Variants in PIBF1 observed in about 807,000 individuals in gnomAD.
PIBF1 encodes progesterone-induced-blocking factor 1.
In PIBF1, 90 loss-of-function variants were observed where a neutral mutation model predicts 112.5. The observed-to-expected ratio is 0.80, with a 90% CI of 0.67 to 0.95. The LOEUF (loss-of-function observed/expected upper bound fraction) is 0.95, where lower values mean the gene tolerates loss of function less well. Among genes scored for constraint, PIBF1 ranks in the 40% least tolerant of loss-of-function variants. The probability of loss-of-function intolerance (pLI) is 0.00; values close to 1 mark genes in which losing one functional copy is unlikely to be tolerated. For missense variants in PIBF1, 915 were observed against 852.3 expected, an observed-to-expected ratio of 1.07 and a Z score of -0.92; for synonymous variants, 301 against 288.6, an observed-to-expected ratio of 1.04 and a Z score of -0.44.
chr13:72,883,643 AC>A (rs1158442354), intron 10 of PIBF1, among the ~76,000 whole-genome samples: 6 of 152,152 alleles, frequency 3.9e-5, no homozygotes, highest in Non-Finnish European at 7.4e-5. Context: ...ATGTGCCACC[AC>A]ACCAGCTAAT....
chr13:73,007,427 A>T (rs1051978119), intron 17 of PIBF1, among the ~76,000 whole-genome samples: 6 of 151,814 alleles, frequency 4.0e-5, no homozygotes, highest in Non-Finnish European at 8.8e-5. Flanking sequence ...TTAATTATAC[A>T]TCTGAATTAT....
Position 72,965,340 on chromosome 13 carries a change from C to A in PIBF1, c.1900C>A (p.Arg634Ser), listed in dbSNP as rs1268011374. ...TTACAGGTATCTCATTGAATCAGTGCGTCAGAGAGATTCTAAGATTGATTC... is the reference window on the plus strand; with the variant it reads ...TTACAGGTATCTCATTGAATCAGTGAGTCAGAGAGATTCTAAGATTGATTC... ...QPYRYLIESVRQRDSKIDSLT... is the reference protein window; with the variant it reads ...QPYRYLIESVSQRDSKIDSLT... Residue 634 changes from arginine to serine, a missense_variant, in exon 15 of 18, where the codon CGT (arginine) becomes AGT (serine). Transcript: ENST00000326291. The A allele has an allele frequency of 1.9e-6, 3 of 1,607,482 alleles. No homozygotes were observed. In the Admixed American group the frequency reaches 5.0e-5, roughly 27 times the overall value.
intron 11 of PIBF1, among the ~76,000 whole-genome samples, chr13:72,907,730 G>A (rs2040750816): frequency 1.3e-5 from 2 of 151,916 alleles, no homozygotes; most frequent in Admixed American, 1.3e-4. Context: ...TGTTGTATTA[G>A]AAAGCAGGTG....
chr13:72,782,615 T>C (rs1053299596), intron 1 of PIBF1, among the ~76,000 whole-genome samples: 1 of 152,230 alleles, frequency 6.6e-6, no homozygotes, highest in African/African-American at 2.4e-5. Context: ...AACTGAAATA[T>C]TTAATAGCAT....
At chr13:72,985,045 C>T (rs1467992824) in intron 16 of PIBF1, among the ~76,000 whole-genome samples, 1 of 152,080 alleles carries the variant, frequency 6.6e-6, no homozygotes, top group Admixed American at 6.6e-5. Flanking sequence ...ATTTCTCTGA[C>T]CTTTTTTTGT....
chr13:73,001,473 C>T (rs1000811000), intron 17 of PIBF1, among the ~76,000 whole-genome samples: 2 of 150,956 alleles, frequency 1.3e-5, no homozygotes, highest in South Asian at 4.2e-4. Flanking sequence ...GATGGATGAG[C>T]GTTTCCATAT....
chr13:72,864,620 T>C (rs2038847565), intron 10 of PIBF1, among the ~76,000 whole-genome samples: 1 of 152,126 alleles, frequency 6.6e-6, no homozygotes, highest in Admixed American at 6.6e-5. Flanking sequence ...AGGGGGAACT[T>C]TTTATAGATT....
chr13:72,991,430 A>G (rs1029927422), intron 16 of PIBF1, among the ~76,000 whole-genome samples: 23 of 152,180 alleles, frequency 1.5e-4, no homozygotes, highest in African/African-American at 5.1e-4. Flanking sequence ...ATCAGATGCA[A>G]TTCTTCATTT....
intron 11 of PIBF1, among the ~76,000 whole-genome samples, chr13:72,894,410 G>A (rs1023790743): frequency 2.0e-5 from 3 of 151,784 alleles, no homozygotes; most frequent in African/African-American, 7.3e-5. Flanking sequence ...AAAACATACA[G>A]AATAGTCAAT....
At chr13:72,850,269 A>C (rs2038073068) in intron 9 of PIBF1, among the ~76,000 whole-genome samples, 2 of 152,116 alleles carry the variant, frequency 1.3e-5, no homozygotes, top group South Asian at 4.1e-4. Flanking sequence ...TCTCTTTCTG[A>C]ATTGCTTTAC....
intron 14 of PIBF1, among the ~76,000 whole-genome samples, chr13:72,937,713 G>T (rs1251658066): frequency 6.6e-6 from 1 of 152,106 alleles, no homozygotes; most frequent in Non-Finnish European, 1.5e-5. Context: ...TACTCGGGAG[G>T]CTGAGGCAGG....
At chr13:72,910,561 C>G (rs1204540426) in intron 12 of PIBF1, among the ~76,000 whole-genome samples, 3 of 152,092 alleles carry the variant, frequency 2.0e-5, no homozygotes, top group African/African-American at 7.2e-5. Flanking sequence ...TGAATACTTT[C>G]CCCATTGAGG....
chr13:72,962,435 AAAAAT>A (rs1044749380), intron 14 of PIBF1, among the ~76,000 whole-genome samples: 7 of 152,026 alleles, frequency 4.6e-5, no homozygotes, highest in African/African-American at 1.7e-4. Context: ...TGTCTCTATA[AAAAAT>A]AAAATAAAAT....
At chr13:73,010,930 G>A (rs1264997648) in intron 17 of PIBF1, among the ~76,000 whole-genome samples, 2 of 138,702 alleles carry the variant, frequency 1.4e-5, no homozygotes, top group Non-Finnish European at 3.0e-5. Context: ...AGGTTCAAGC[G>A]ATTCTCCTGC....
chr13:72,886,223 T>A (rs1018106216), intron 10 of PIBF1, among the ~76,000 whole-genome samples: 3 of 151,994 alleles, frequency 2.0e-5, no homozygotes, highest in Non-Finnish European at 4.4e-5. Context: ...AAGATTCAGT[T>A]TATATGTTCT....
At chr13:72,995,099 A>G (rs951743531) in intron 16 of PIBF1, among the ~76,000 whole-genome samples, 1 of 152,118 alleles carries the variant, frequency 6.6e-6, no homozygotes, top group African/African-American at 2.4e-5. Context: ...CAGGAGTTCA[A>G]GACCAGCCTG....
chr13:72,959,443 C>A (rs1452056165), intron 14 of PIBF1, among the ~76,000 whole-genome samples: 1 of 152,168 alleles, frequency 6.6e-6, no homozygotes, highest in Non-Finnish European at 1.5e-5. Context: ...GTGACTGATT[C>A]TGTACAAACT....
intron 15 of PIBF1, among the ~76,000 whole-genome samples, chr13:72,972,702 C>A (rs113504717): frequency 3.9e-5 from 6 of 152,032 alleles, no homozygotes; most frequent in African/African-American, 1.4e-4. Flanking sequence ...TAAAACAATT[C>A]TTGTTAGTTT....
intron 12 of PIBF1, among the ~76,000 whole-genome samples, chr13:72,914,363 A>G (rs2041009669): frequency 6.6e-6 from 1 of 152,142 alleles, no homozygotes; most frequent in Non-Finnish European, 1.5e-5. Flanking sequence ...AAAGCTAAAT[A>G]AACTCATATT....
Sources: gnomAD v4.1 joint callset for allele counts (sites outside exome capture counted in the v4.1 genomes callset) on GRCh38, gnomAD v4.1.1 for gene constraint, MANE v1.5 for transcripts, NCBI Gene and HGNC (gene_info 2026-07-23, HGNC 2026-07-21) for gene names.